Variants in FAM184B observed in about 807,000 individuals in gnomAD.
FAM184B encodes the protein family with sequence similarity 184 member B, also known as protein FAM184B.
FAM184B carries 111 observed loss-of-function variants against 135.9 expected under a neutral mutation model. The observed-to-expected ratio is 0.82, with a 90% CI of 0.70 to 0.96. The LOEUF (loss-of-function observed/expected upper bound fraction) is 0.96. Among genes scored for constraint, FAM184B ranks in the 40% least tolerant of loss-of-function variants. The pLI, the probability that FAM184B is intolerant of heterozygous loss-of-function variation, is 0.00. For synonymous variants in FAM184B, 552 were observed against 524.8 expected, an observed-to-expected ratio of 1.05 and a Z score of -0.71; for missense variants, 1,375 against 1,323.9, an observed-to-expected ratio of 1.04 and a Z score of -0.60.
rs890001401 is a variant in FAM184B at position 17,708,829 on chromosome 4, G to A, written c.894+63C>T. 7 of 1,447,858 alleles carry A rather than the reference G, an allele frequency of 4.8e-6. No homozygotes were observed. The Admixed American group carries it at 1.9e-4, about 40-fold the overall frequency. The allele number at this position is 1,447,858 out of a possible 1,614,324, so 89.7% of individuals were successfully genotyped here. ...TAGCACAGTGCCTGATCTATAGCAG[G>A]TTCACAATAAGCAGCCCTGCTGATT... On this transcript the variant is annotated intron_variant, in intron 2 of 17. Coordinates refer to ENST00000265018, the MANE Select transcript of FAM184B (RefSeq NM_015688.2).
chr4:17,639,496 TC>T, intron 13 of FAM184B, 100 bp from the exon 14 acceptor site: 1 of 1,380,236 alleles, frequency 7.2e-7, no homozygotes, highest in South Asian at 1.3e-5. Flanking sequence ...GTTTGGGAGA[TC>T]TGGGTGGGGA....
intron 11 of FAM184B, among the ~76,000 whole-genome samples, chr4:17,649,801 CATCTACCTATCCATCCTTCT>C (rs1477709099): frequency 5.3e-4 from 81 of 152,172 alleles, no homozygotes; most frequent in African/African-American, 1.9e-3. Flanking sequence ...TTCATCTATC[CATCTACCTATCCATCCTTCT>C]ATCCACCTGT....
chr4:17,780,629 C>T (rs1214332012), intron 1 of FAM184B, among the ~76,000 whole-genome samples: 1 of 152,078 alleles, frequency 6.6e-6, no homozygotes, highest in Non-Finnish European at 1.5e-5. Context: ...TGCTCTTCCC[C>T]ATTTATGCTC....
rs754580760 is a variant in FAM184B at position 17,688,462 on chromosome 4, C to T, written c.1558G>A (p.Glu520Lys). 3.7e-5 allele frequency: 58 copies of T among 1,550,982 alleles called. No individual in the cohort carries two copies. The highest frequency in any genetic ancestry group is 5.0e-5 in the Non-Finnish European group (57 of 1,146,848). ...ATGCTGCAGTGCTGGCGGCCTAATT[C>T]CTGGGGACTTTCCTCAGCTCCTGTG... is the stretch of plus-strand genomic sequence containing the variant. ...RPTGAEESPQ[E>K]LGRQHCSILE... The change falls in exon 7 of 18, where the codon GAA (glutamate) becomes AAA (lysine). Residue 520 changes from glutamate to lysine, a missense_variant. By Grantham distance (56) the Glu-to-Lys change is moderately conservative. Coordinates refer to ENST00000265018, the MANE Select transcript of FAM184B (RefSeq NM_015688.2).
At chr4:17,642,823 G>A (rs900368863) in intron 12 of FAM184B, among the ~76,000 whole-genome samples, 2 of 152,248 alleles carry the variant, frequency 1.3e-5, no homozygotes, top group Non-Finnish European at 2.9e-5. Context: ...GTGCTAGAAT[G>A]TCTGTAGTTC....
intron 1 of FAM184B, among the ~76,000 whole-genome samples, chr4:17,760,049 TA>T (rs1348783661): frequency 6.6e-6 from 1 of 151,998 alleles, no homozygotes; most frequent in Non-Finnish European, 1.5e-5. Flanking sequence ...CTGTGTCCCC[TA>T]AACATCTCAG....
intron 7 of FAM184B, among the ~76,000 whole-genome samples, chr4:17,685,867 C>T (rs895324723): frequency 9.2e-5 from 14 of 152,078 alleles, no homozygotes; most frequent in African/African-American, 1.4e-4. Context: ...GTGATAGCAC[C>T]GGCTCATGGA....
chr4:17,767,456 GA>G (rs1223753819), intron 1 of FAM184B, among the ~76,000 whole-genome samples: 1 of 152,236 alleles, frequency 6.6e-6, no homozygotes, highest in East Asian at 1.9e-4. Context: ...GCTAAAGGAA[GA>G]AAACCTGGTA....
chr4:17,658,514 C>T lies in FAM184B; in HGVS notation c.1873G>A (p.Glu625Lys). ...ALEQCTSNYREDLQALKQLSD... is the reference protein window; with the variant it reads ...ALEQCTSNYRKDLQALKQLSD... The stretch of plus-strand genomic sequence containing the variant: ...AGCTGCTTGAGTGCCTGCAGGTCCT[C>T]CCTGTAGTTGCTGGTGCACTGCTCC... Residue 625 changes from glutamate to lysine, a missense_variant, in exon 10 of 18, where the codon GAG (glutamate) becomes AAG (lysine). Glu to Lys is a moderately conservative substitution (Grantham distance 56). Transcript: ENST00000265018. 3 of 1,551,490 alleles carry T rather than the reference C, an allele frequency of 1.9e-6. No homozygotes were observed. The highest frequency in any genetic ancestry group is 2.6e-6 in the Non-Finnish European group (3 of 1,146,990).
At chr4:17,666,699 A>T (rs1276718634) in intron 7 of FAM184B, among the ~76,000 whole-genome samples, 1 of 151,158 alleles carries the variant, frequency 6.6e-6, no homozygotes, top group Non-Finnish European at 1.5e-5. Context: ...ACCTTGCTCT[A>T]TGTTTTTCTC....
chr4:17,745,920 C>T (rs939786453), intron 1 of FAM184B, among the ~76,000 whole-genome samples: 14 of 152,132 alleles, frequency 9.2e-5, no homozygotes, highest in African/African-American at 3.1e-4. Flanking sequence ...CTATTTGGGC[C>T]TATGATCTTT....
intron 1 of FAM184B, among the ~76,000 whole-genome samples, chr4:17,725,462 C>T (rs997805112): frequency 3.3e-5 from 5 of 152,306 alleles, no homozygotes; most frequent in African/African-American, 1.2e-4. Context: ...TACTCTTTCA[C>T]AGACACATCT....
At chr4:17,760,258 G>T (rs553618024) in intron 1 of FAM184B, among the ~76,000 whole-genome samples, 26 of 152,244 alleles carry the variant, frequency 1.7e-4, no homozygotes, top group African/African-American at 6.3e-4. Flanking sequence ...AAGGTCAGGA[G>T]TTCAAGACCA....
Position 17,688,529 on chromosome 4 carries a change from A to C in FAM184B, c.1491T>G (p.Val497=). The change falls in exon 7 of 18, where the codon GTT becomes GTG. Residue 497 remains valine (V), a splice_region_variant and synonymous_variant. Coordinates refer to ENST00000265018, the MANE Select transcript of FAM184B (RefSeq NM_015688.2). ...NVKLQNSLLE[V]LRLEEFIQQN... ...GTTGGATAAATTCTTCCAGCCTTAA[A>C]ACCTAAAACAGGAGATAAGAAACAC... 1 of 1,546,096 alleles carries C rather than the reference A, an allele frequency of 6.5e-7. No homozygotes were observed. The highest frequency in any genetic ancestry group is 8.7e-7 in the Non-Finnish European group (1 of 1,145,404).
At chr4:17,745,683 AAAT>A (rs1560191599) in intron 1 of FAM184B, among the ~76,000 whole-genome samples, 1 of 152,116 alleles carries the variant, frequency 6.6e-6, no homozygotes, top group Non-Finnish European at 1.5e-5. Flanking sequence ...TTCTCCCAAT[AAAT>A]CTCTTGTACA....
intron 2 of FAM184B, among the ~76,000 whole-genome samples, 176 bp downstream of exon 2, chr4:17,708,714 CTG>C (rs71167327): frequency 0.053 from 3,030 of 57,006 alleles, 189 homozygotes; most frequent in African/African-American, 0.15. Flanking sequence ...TATATAGTGT[CTG>C]TGTGTGTGTG....
intron 16 of FAM184B, among the ~76,000 whole-genome samples, chr4:17,634,667 G>A (rs1210518502): frequency 6.6e-6 from 1 of 152,254 alleles, no homozygotes; most frequent in South Asian, 2.1e-4. Flanking sequence ...TGTGATAGTA[G>A]ATAATTGAAT....
chr4:17,765,592 C>T (rs1017174533), intron 1 of FAM184B, among the ~76,000 whole-genome samples: 14 of 152,188 alleles, frequency 9.2e-5, no homozygotes, highest in African/African-American at 3.1e-4. Context: ...AGCTCTTTGG[C>T]CAGTCTGCCT....
intron 8 of FAM184B, among the ~76,000 whole-genome samples, chr4:17,662,801 T>C (rs1014279458): frequency 1.3e-5 from 2 of 152,236 alleles, no homozygotes; most frequent in African/African-American, 4.8e-5. Context: ...TTGCTAACAT[T>C]TTGTGTTGTC....
Sources: gnomAD v4.1 joint callset for allele counts (sites outside exome capture counted in the v4.1 genomes callset) on GRCh38, gnomAD v4.1.1 for gene constraint, MANE v1.5 for transcripts, NCBI Gene and HGNC (gene_info 2026-07-23, HGNC 2026-07-21) for gene names.